RSL1D1: variants seen among roughly 807,000 people sequenced by gnomAD.
RSL1D1 encodes the protein ribosomal L1 domain containing 1, also known as ribosomal L1 domain-containing protein 1.
In RSL1D1, 34 loss-of-function variants were observed where a neutral mutation model predicts 44.6. The observed-to-expected ratio is 0.76, with a 90% CI of 0.58 to 1.02. The LOEUF (loss-of-function observed/expected upper bound fraction) is 1.02. RSL1D1 is among the 50% of genes least tolerant of loss of function. The pLI is 0.00. For missense variants in RSL1D1, 767 were observed against 568.1 expected, an observed-to-expected ratio of 1.35 and a Z score of -3.56; for synonymous variants, 271 against 207.4, an observed-to-expected ratio of 1.31 and a Z score of -2.63.
chr16:11,841,983 T>C lies in RSL1D1; in HGVS notation c.653A>G (p.His218Arg), dbSNP rs1327296007. 2 of 1,613,244 alleles carry C rather than the reference T, an allele frequency of 1.2e-6. No individual in the cohort carries two copies. The highest frequency in any genetic ancestry group is 1.7e-6 in the Non-Finnish European group (2 of 1,179,584). ...GATGTGCTCAATTTGCATTCCAACG[T>C]GACCAATACGTATAGCACTGAAATT... ...SGSCSAIRIG[H>R]VGMQIEHIIE... is the part of the protein sequence containing the mutation. Residue 218 changes from histidine to arginine, a missense_variant, in exon 6 of 9, where the codon CAC becomes CGC. Physicochemically the swap from His to Arg is conservative, Grantham distance 29 (BLOSUM62 0). Transcript: ENST00000571133.
At chr16:11,843,871 C>CCAAA (rs2053781042) in intron 5 of RSL1D1, among the ~76,000 whole-genome samples, 1 of 53,562 alleles carries the variant, frequency 1.9e-5, no homozygotes, top group African/African-American at 6.4e-5. Context: ...AACTCTGTCT[C>CCAAA]AAAAAAAAAA....
At chr16:11,840,319 A>C (rs62038777) in intron 7 of RSL1D1, among the ~76,000 whole-genome samples, 71,053 of 151,912 alleles carry the variant, frequency 0.47, 18,351 homozygotes, top group Non-Finnish European at 0.59. Context: ...TAATCACAGC[A>C]CTCAGGGAGG....
Position 11,839,794 on chromosome 16 carries a change from G to A in RSL1D1, c.1047C>T (p.Gly349=). ...QTPEHGKKKR[G]RGKAQVKATN... ...TTGCTTTAACTTGGGCTTTTCCTCT[G>A]CCACGTTTTTTCTTCCCATGCTCTG... is the stretch of plus-strand genomic sequence containing the variant. Residue 349 remains glycine (G), a synonymous_variant, in exon 8 of 9, where the codon GGC becomes GGT. Coordinates refer to ENST00000571133, the MANE Select transcript of RSL1D1 (RefSeq NM_015659.3). The A allele has an allele frequency of 6.2e-7, 1 of 1,614,066 alleles. No homozygotes were observed. The highest frequency in any genetic ancestry group is 8.5e-7 in the Non-Finnish European group (1 of 1,180,014).
chr16:11,846,749 CT>C lies in RSL1D1; in HGVS notation c.478del (p.Arg160GlufsTer24). ...SSFDFFLTDA[R>X]IRRLLPSLIG... is the part of the protein sequence containing the mutation. ...GAGTGAGGGTAAGAGCCGCCTAATT[CT>C]GGCATCAGTAAGGAAGAAATCAAAA... On this transcript the variant is annotated frameshift_variant, in exon 4 of 9. Coordinates refer to ENST00000571133, the MANE Select transcript of RSL1D1 (RefSeq NM_015659.3). LOFTEE classifies it high-confidence loss of function. 1 of 1,614,066 alleles carries C rather than the reference CT, an allele frequency of 6.2e-7. No homozygotes were observed. The highest frequency in any genetic ancestry group is 8.5e-7 in the Non-Finnish European group (1 of 1,179,954).
intron 5 of RSL1D1, among the ~76,000 whole-genome samples, chr16:11,843,472 C>A (rs377416286): frequency 5.5e-4 from 84 of 152,166 alleles, no homozygotes; most frequent in African/African-American, 2.0e-3. Context: ...AACCCCATGT[C>A]GCTGAGTCCG....
chr16:11,845,912 G>T (rs1408238392), intron 5 of RSL1D1, among the ~76,000 whole-genome samples: 7 of 151,674 alleles, frequency 4.6e-5, no homozygotes. Flanking sequence ...TCTGTAATTG[G>T]CTGGGGGAGA....
chr16:11,842,150 A>G, intron 5 of RSL1D1, 150 bp from the exon 6 acceptor site: 2 of 625,092 alleles, frequency 3.2e-6, no homozygotes, highest in South Asian at 4.1e-5. Flanking sequence ...AACATGGCAA[A>G]ATCCTGTCTC....
intron 8 of RSL1D1, among the ~76,000 whole-genome samples, 169 bp downstream of exon 8, chr16:11,839,526 T>TAAAAAAA (rs55657359): frequency 8.2e-6 from 1 of 121,446 alleles, no homozygotes. Flanking sequence ...AGATCCCATC[T>TAAAAAAA]AAAAAAAAAA....
At chr16:11,851,347 C>T in intron 1 of RSL1D1, 61 bp downstream of exon 1, 1 of 1,515,084 alleles carries the variant, frequency 6.6e-7, no homozygotes, top group Non-Finnish European at 9.2e-7. Flanking sequence ...TTCCGGCACC[C>T]TGCGCCTCAC....
intron 1 of RSL1D1, chr16:11,851,028 T>A (rs1257436967): frequency 2.9e-6 from 1 of 344,216 alleles, no homozygotes; most frequent in Admixed American, 4.2e-5. Flanking sequence ...GCCAAAGCGC[T>A]TTACACTCAT....
In RSL1D1 at chr16:11,833,880, G is replaced by A. The variant is rs2053700579; in HGVS notation, c.*3907C>T. On this transcript the variant is annotated 3_prime_UTR_variant, in exon 9 of 9. Transcript: ENST00000571133. ...TTTAAAATGAAATTTTAATTATTAC[G>A]ATTCCTAAAAAACAAATGAACTAAA... 1 of 150,430 alleles carries A rather than the reference G, an allele frequency of 6.6e-6. No individual in the cohort carries two copies. The highest frequency in any genetic ancestry group is 6.9e-5 in the Admixed American group (1 of 14,554). 9.3% of individuals were successfully genotyped at this position (150,430 alleles called of 1,614,324 possible). A position where few individuals can be genotyped will look rare whatever the true frequency, so the allele number is the denominator to read the frequency against.
intron 5 of RSL1D1, among the ~76,000 whole-genome samples, chr16:11,844,917 G>A (rs985098645): frequency 6.6e-6 from 1 of 152,204 alleles, no homozygotes; most frequent in Non-Finnish European, 1.5e-5. Flanking sequence ...AAAATAGCCT[G>A]AACCGCATCC....
chr16:11,844,472 T>G (rs927966283), intron 5 of RSL1D1, among the ~76,000 whole-genome samples: 1 of 152,136 alleles, frequency 6.6e-6, no homozygotes, highest in African/African-American at 2.4e-5. Flanking sequence ...ACTTTGACAT[T>G]AGCCTTTAAC....
At chr16:11,846,106 A>T (rs1310145367) in intron 5 of RSL1D1, among the ~76,000 whole-genome samples, 1 of 151,622 alleles carries the variant, frequency 6.6e-6, no homozygotes, top group African/African-American at 2.4e-5. Flanking sequence ...AAATCTTTTT[A>T]AAAAGGCCAG....
At position 11,834,213 on chromosome 16, in the gene RSL1D1, T is replaced by G. The variant is rs2141248126; in HGVS notation, c.*3574A>C. The G allele has an allele frequency of 6.6e-6, 1 of 152,316 alleles. No homozygotes were observed. The highest frequency in any genetic ancestry group is 2.1e-4 in the South Asian group (1 of 4,830). 9.4% of individuals were successfully genotyped at this position (152,316 alleles called of 1,614,324 possible). ...TGTACCCATTTTAGGATGATTCAAC[T>G]TTATGATTTTTCAACTTTTTGATGG... On this transcript the variant is annotated 3_prime_UTR_variant, in exon 9 of 9. Transcript: ENST00000571133.
chr16:11,837,694 T>C lies in RSL1D1; in HGVS notation c.*93A>G. 8.5e-7 allele frequency: 1 copy of C among 1,180,642 alleles called. No homozygotes were observed. The highest frequency in any genetic ancestry group is 2.3e-5 in the Admixed American group (1 of 43,916). The allele number at this position is 1,180,642 out of a possible 1,614,324, so 73.1% of individuals were successfully genotyped here. A position where few individuals can be genotyped will look rare whatever the true frequency, so the allele number is the denominator to read the frequency against. On this transcript the variant is annotated 3_prime_UTR_variant, in exon 9 of 9. Transcript: ENST00000571133. ...AAATCTTTTAAGTCCAGGCCTGACG[T>C]TTAGAGAAGGTTACAAAGGCGGCCA...
intron 7 of RSL1D1, 147 bp downstream of exon 7, chr16:11,841,548 T>C: frequency 1.5e-6 from 1 of 668,466 alleles, no homozygotes; most frequent in South Asian, 2.0e-5. Context: ...ATACCCATTT[T>C]ACCTCATGTA....
rs1179464797 is a variant in RSL1D1 at position 11,851,469 on chromosome 16, G to C, written c.44C>G (p.Thr15Ser). The change falls in exon 1 of 9, where the codon ACT (threonine) becomes AGT (serine). Residue 15 changes from threonine to serine, a missense_variant. By Grantham distance (58) the Thr-to-Ser change is moderately conservative (BLOSUM62 1). Coordinates refer to ENST00000571133, the MANE Select transcript of RSL1D1 (RefSeq NM_015659.3). ...ASASLSSAAA[T>S]GTSTSTPAAP... ...CGCTGGAGTCGAGGTGGAGGTTCCAGTAGCGGCTGCAGAAGACAGCGAGGC... is the reference window on the plus strand; with the variant it reads ...CGCTGGAGTCGAGGTGGAGGTTCCACTAGCGGCTGCAGAAGACAGCGAGGC... The C allele has an allele frequency of 3.1e-6, 5 of 1,613,992 alleles. No individual in the cohort carries two copies. The highest frequency in any genetic ancestry group is 4.5e-5 in the East Asian group (2 of 44,890).
At chr16:11,840,600 T>C (rs1015994273) in intron 7 of RSL1D1, among the ~76,000 whole-genome samples, 2 of 152,122 alleles carry the variant, frequency 1.3e-5, no homozygotes, top group Non-Finnish European at 2.9e-5. Context: ...TGGACACAAT[T>C]AACATGGCTA....
Sources: gnomAD v4.1 joint callset for allele counts (sites outside exome capture counted in the v4.1 genomes callset) on GRCh38, gnomAD v4.1.1 for gene constraint, MANE v1.5 for transcripts, NCBI Gene and HGNC (gene_info 2026-07-23, HGNC 2026-07-21) for gene names.